PHACTR1: variants seen among roughly 807,000 people sequenced by gnomAD.
PHACTR1 encodes the protein RPEL repeat containing 1.
A neutral mutation model predicts 69.2 loss-of-function variants in PHACTR1; 16 were observed. The ratio of observed to expected loss-of-function variants is 0.23; its 90% CI spans 0.16 to 0.35. The LOEUF (loss-of-function observed/expected upper bound fraction) is 0.35. PHACTR1 is among the 10% of genes least tolerant of loss of function. The pLI, the probability that PHACTR1 is intolerant of heterozygous loss-of-function variation, is 1.00. For synonymous variants in PHACTR1, 312 were observed against 284.5 expected (o/e 1.10, Z -0.97); for missense variants, 510 against 734.7 (o/e 0.69, Z 3.54).
intron 4 of PHACTR1, among the ~76,000 whole-genome samples, chr6:12,760,209 C>T (rs1561857429): frequency 6.6e-6 from 1 of 152,126 alleles, no homozygotes; most frequent in Non-Finnish European, 1.5e-5. Context: ...TTGGAGCAGA[C>T]CAAATGAGTT....
At chr6:12,940,942 C>A (rs1030410132) in intron 4 of PHACTR1, among the ~76,000 whole-genome samples, 1 of 152,178 alleles carries the variant, frequency 6.6e-6, no homozygotes, top group African/African-American at 2.4e-5. Flanking sequence ...TTCAAGGTGT[C>A]TGTATAGATT....
chr6:13,073,525 G>A (rs1356792473), intron 5 of PHACTR1, among the ~76,000 whole-genome samples: 1 of 151,284 alleles, frequency 6.6e-6, no homozygotes, highest in Non-Finnish European at 1.5e-5. Flanking sequence ...TGTATTTTTA[G>A]GAGAGAAGGG....
chr6:13,042,724 C>T (rs1404827880), intron 4 of PHACTR1, among the ~76,000 whole-genome samples: 1 of 152,150 alleles, frequency 6.6e-6, no homozygotes, highest in Non-Finnish European at 1.5e-5. Context: ...CGCTTATTAG[C>T]CAGGTGGTAA....
chr6:12,864,746 C>T (rs1047299916), intron 4 of PHACTR1, among the ~76,000 whole-genome samples: 1 of 151,504 alleles, frequency 6.6e-6, no homozygotes, highest in African/African-American at 2.4e-5. Flanking sequence ...AGAAATAATT[C>T]CTTCAGTTAA....
chr6:12,891,252 G>GTA (rs1363317989), intron 4 of PHACTR1, among the ~76,000 whole-genome samples: 1 of 152,016 alleles, frequency 6.6e-6, no homozygotes, highest in African/African-American at 2.4e-5. Context: ...AAGCTAGTCA[G>GTA]TACTCCTACC....
intron 10 of PHACTR1, among the ~76,000 whole-genome samples, chr6:13,255,131 AG>A (rs1187473324): frequency 6.6e-6 from 1 of 152,214 alleles, no homozygotes; most frequent in African/African-American, 2.4e-5. Context: ...CAATCATGGC[AG>A]GAAACAAAGT....
At chr6:13,068,419 T>C (rs962797133) in intron 5 of PHACTR1, among the ~76,000 whole-genome samples, 1 of 152,182 alleles carries the variant, frequency 6.6e-6, no homozygotes, top group African/African-American at 2.4e-5. Context: ...TTGCGCTAAG[T>C]TTTATCTATG....
chr6:12,770,904 C>A (rs967690567), intron 4 of PHACTR1, among the ~76,000 whole-genome samples: 6 of 152,146 alleles, frequency 3.9e-5, no homozygotes, highest in African/African-American at 1.4e-4. Context: ...AGAGCAGTTT[C>A]TCCCGGAAAG....
At chr6:13,079,557 C>A (rs1811056279) in intron 5 of PHACTR1, among the ~76,000 whole-genome samples, 1 of 152,044 alleles carries the variant, frequency 6.6e-6, no homozygotes, top group African/African-American at 2.4e-5. Flanking sequence ...ATAGACGGCA[C>A]TGGGATTGCT....
chr6:12,797,528 G>A (rs1773187170), intron 4 of PHACTR1, among the ~76,000 whole-genome samples: 1 of 152,164 alleles, frequency 6.6e-6, no homozygotes, highest in South Asian at 2.1e-4. Flanking sequence ...CTACAGACTA[G>A]GAGGAAAAGG....
intron 4 of PHACTR1, among the ~76,000 whole-genome samples, chr6:12,904,377 C>CA (rs879795972): frequency 1.4e-4 from 21 of 150,890 alleles, no homozygotes; most frequent in African/African-American, 2.4e-4. Context: ...ACTAAAAATA[C>CA]AAAAAAAATA....
intron 4 of PHACTR1, among the ~76,000 whole-genome samples, chr6:12,841,948 T>G (rs1778741629): frequency 1.3e-5 from 2 of 152,204 alleles, no homozygotes; most frequent in Admixed American, 6.5e-5. Context: ...GAAGGCCCTT[T>G]AGAATCTTTT....
rs1440686528 is a variant in PHACTR1 at position 12,749,854 on chromosome 6, G to GC, written c.250+69dup. On this transcript the variant is annotated intron_variant, in intron 4 of 14. Transcript: ENST00000332995. ...TGCTCCCTCCCTCCCCGGCTGTTGA[G>GC]CCCCCGCCCCTCCCGGGCGTCCTCC... The GC allele has an allele frequency of 1.4e-5, 20 of 1,401,514 alleles. No individual in the cohort carries two copies. The African/African-American group carries it at 1.6e-4, about 11-fold the overall frequency. The allele number at this position is 1,401,514 out of a possible 1,614,324, so 86.8% of individuals were successfully genotyped here.
At chr6:12,814,234 T>A (rs528325349) in intron 4 of PHACTR1, among the ~76,000 whole-genome samples, 4 of 152,150 alleles carry the variant, frequency 2.6e-5, no homozygotes, top group African/African-American at 9.7e-5. Flanking sequence ...GTGTTGATAG[T>A]GTTGTGATGA....
At chr6:12,964,165 C>T (rs1265835403) in intron 4 of PHACTR1, among the ~76,000 whole-genome samples, 1 of 152,132 alleles carries the variant, frequency 6.6e-6, no homozygotes. Context: ...AATCAGTAAG[C>T]ATTTATTATC....
At chr6:13,227,263 C>T (rs1769920004) in intron 8 of PHACTR1, among the ~76,000 whole-genome samples, 1 of 152,180 alleles carries the variant, frequency 6.6e-6, no homozygotes, top group Non-Finnish European at 1.5e-5. Flanking sequence ...TTCTCAGCAT[C>T]TCCAGCCACA....
intron 5 of PHACTR1, among the ~76,000 whole-genome samples, chr6:13,105,210 T>G (rs1354803512): frequency 6.6e-6 from 1 of 151,838 alleles, no homozygotes; most frequent in East Asian, 1.9e-4. Context: ...AGACCTTGTC[T>G]CTACAAAAAA....
At chr6:12,759,245 C>T (rs966806970) in intron 4 of PHACTR1, among the ~76,000 whole-genome samples, 13 of 151,194 alleles carry the variant, frequency 8.6e-5, no homozygotes, top group Non-Finnish European at 1.8e-4. Context: ...CCAAAATACA[C>T]TTAAGGTGCA....
rs1761553361 is a variant in PHACTR1 at position 12,717,583 on chromosome 6, A to C, written c.-207A>C. 6.6e-6 allele frequency: 1 copy of C among 152,144 alleles called. No homozygotes were observed. Among genetic ancestry groups the C allele is most frequent in the Non-Finnish European group, 1.5e-5 (1 of 68,026 alleles). 9.4% of individuals were successfully genotyped at this position (152,144 alleles called of 1,614,324 possible). On this transcript the variant is annotated 5_prime_UTR_variant, in exon 2 of 15. Transcript: ENST00000332995. ...CGTGCTCTGGCCATTTTATCTGATAAAGGAAGTCCAGTGGACTGTATGCAT... is the reference window on the plus strand; with the variant it reads ...CGTGCTCTGGCCATTTTATCTGATACAGGAAGTCCAGTGGACTGTATGCAT...
Sources: gnomAD v4.1 joint callset for allele counts (sites outside exome capture counted in the v4.1 genomes callset) on GRCh38, gnomAD v4.1.1 for gene constraint, MANE v1.5 for transcripts, NCBI Gene and HGNC (gene_info 2026-07-23, HGNC 2026-07-21) for gene names.